The following SMARCAL1 variants were observed in gnomAD, a reference collection of about 807,000 sequenced individuals.
The protein encoded by SMARCAL1 is ATP-driven annealing helicase.
In SMARCAL1, 58 loss-of-function variants were observed where a neutral mutation model predicts 94.5. The observed-to-expected ratio is 0.61, with a 90% CI of 0.50 to 0.76. SMARCAL1 has a LOEUF of 0.76. Ranked by LOEUF, SMARCAL1 falls within the 30% of genes least tolerant of loss-of-function variation. The pLI, the probability that SMARCAL1 is intolerant of heterozygous loss-of-function variation, is 0.00. For synonymous variants in SMARCAL1, 422 were observed against 455.1 expected (o/e 0.93, Z 0.93); for missense variants, 1,051 against 1,177.9 (o/e 0.89, Z 1.58).
intron 3 of SMARCAL1, among the ~76,000 whole-genome samples, chr2:216,415,777 T>A (rs1693585849): frequency 6.6e-6 from 1 of 152,268 alleles, no homozygotes; most frequent in South Asian, 2.1e-4. Context: ...AGGTGCTTTA[T>A]ATGCATTGTA....
At chr2:216,433,287 T>A (rs1258945358) in intron 8 of SMARCAL1, among the ~76,000 whole-genome samples, 1 of 152,176 alleles carries the variant, frequency 6.6e-6, no homozygotes, top group Non-Finnish European at 1.5e-5. Flanking sequence ...TTTTGCCATG[T>A]TGCCCAGGCT....
intron 14 of SMARCAL1, among the ~76,000 whole-genome samples, chr2:216,474,002 A>G (rs1043202809): frequency 2.6e-5 from 4 of 152,138 alleles, no homozygotes; most frequent in African/African-American, 9.7e-5. Context: ...CTATTTCTCA[A>G]CAATAAAAAG....
chr2:216,476,189 A>G (rs924455596), intron 15 of SMARCAL1, among the ~76,000 whole-genome samples: 7 of 152,060 alleles, frequency 4.6e-5, no homozygotes, highest in African/African-American at 1.4e-4. Context: ...CCCCTTTAAT[A>G]TTTATATAAT....
intron 17 of SMARCAL1, among the ~76,000 whole-genome samples, chr2:216,481,591 C>T (rs1695202152): frequency 6.6e-6 from 1 of 151,990 alleles, no homozygotes; most frequent in South Asian, 2.1e-4. Flanking sequence ...GCAACCTCTG[C>T]CTTGTGGGTT....
chr2:216,431,723 C>T lies in SMARCAL1; in HGVS notation c.1335-995C>T, dbSNP rs1345764264. Among the ~76,000 whole-genome samples, 6 of 152,158 alleles carry T rather than the reference C, an allele frequency of 3.9e-5. 1 individual carries two copies. ...GAGTGATGGAATTGGGACTCCAACCCCAGCCAATCTGGCTCTGAAATAGTG... is the reference window on the plus strand; with the variant it reads ...GAGTGATGGAATTGGGACTCCAACCTCAGCCAATCTGGCTCTGAAATAGTG... On this transcript the variant is annotated intron_variant, in intron 7 of 17. Coordinates refer to ENST00000357276, the MANE Select transcript of SMARCAL1 (RefSeq NM_014140.4).
rs752560860 is a variant in SMARCAL1 at position 216,432,754 on chromosome 2, T to C, written c.1371T>C (p.Ala457=). The change falls in exon 8 of 18, where the codon GCT becomes GCC. Residue 457 remains alanine (A), a synonymous_variant. Coordinates refer to ENST00000357276, the MANE Select transcript of SMARCAL1 (RefSeq NM_014140.4). Reference sequence around the variant, plus strand: ...CCAAAGGAGGCCGCCTGCTGCTCGCTGACGACATGGGCCTGGGGAAGACCA... The same window carrying C: ...CCAAAGGAGGCCGCCTGCTGCTCGCCGACGACATGGGCCTGGGGAAGACCA... ...AIAKGGRLLL[A]DDMGLGKTIQ... 1.1e-5 allele frequency: 18 copies of C among 1,614,080 alleles called. No individual in the cohort carries two copies. The South Asian group carries it at 1.8e-4, about 16-fold the overall frequency.
At chr2:216,446,994 C>A (rs1694329658) in intron 10 of SMARCAL1, 24 bp from the exon 11 acceptor site, 2 of 1,613,838 alleles carry the variant, frequency 1.2e-6, no homozygotes, top group Non-Finnish European at 1.7e-6. Context: ...GTGTTCAGAG[C>A]ACCTTTGGCT....
At chr2:216,423,797 C>T (rs1693774997) in intron 6 of SMARCAL1, 114 bp downstream of exon 6, 1 of 934,050 alleles carries the variant, frequency 1.1e-6, no homozygotes, top group South Asian at 1.3e-5. Context: ...TGGTGGGATG[C>T]TTGAGTACAG....
intron 7 of SMARCAL1, among the ~76,000 whole-genome samples, chr2:216,430,639 G>A (rs2106031139): frequency 6.6e-6 from 1 of 152,212 alleles, no homozygotes; most frequent in Middle Eastern, 3.4e-3. Context: ...CCTTAGTTGG[G>A]CTCCCTCTAG....
At chr2:216,473,487 T>G (rs937879723) in intron 14 of SMARCAL1, among the ~76,000 whole-genome samples, 3 of 152,058 alleles carry the variant, frequency 2.0e-5, no homozygotes, top group African/African-American at 7.2e-5. Flanking sequence ...CAACATATCC[T>G]TTTAGGAAAA....
chr2:216,454,801 C>T (rs284556), intron 12 of SMARCAL1, among the ~76,000 whole-genome samples: 111,372 of 152,106 alleles, frequency 0.73, 41,517 homozygotes, highest in African/African-American at 0.88. Flanking sequence ...GATTTCTGCA[C>T]TTCCAACTGA....
intron 17 of SMARCAL1, among the ~76,000 whole-genome samples, chr2:216,480,334 C>A (rs1192288713): frequency 6.6e-6 from 1 of 152,164 alleles, no homozygotes; most frequent in African/African-American, 2.4e-5. Context: ...GATAGCCTTC[C>A]TTCTGAGAGG....
intron 6 of SMARCAL1, among the ~76,000 whole-genome samples, chr2:216,427,727 C>T (rs1035261084): frequency 4.6e-5 from 7 of 152,006 alleles, no homozygotes; most frequent in Non-Finnish European, 1.0e-4. Context: ...ATTGAAAATA[C>T]AAAGCAATTG....
intron 12 of SMARCAL1, among the ~76,000 whole-genome samples, chr2:216,453,042 A>G (rs6744504): frequency 0.1 from 15,198 of 152,276 alleles, 903 homozygotes; most frequent in South Asian, 0.19. Flanking sequence ...GGAAAAGTAC[A>G]TAAGGATAGT....
chr2:216,482,608 G>A lies in SMARCAL1; in HGVS notation c.2626-130G>A, dbSNP rs556826266. 8.7e-5 allele frequency: 115 copies of A among 1,315,290 alleles called. No individual in the cohort carries two copies. Among genetic ancestry groups the A allele is most frequent in the Middle Eastern group, 2.1e-4 (1 of 4,672 alleles). 81.5% of individuals were successfully genotyped at this position (1,315,290 alleles called of 1,614,324 possible). A position where few individuals can be genotyped will look rare whatever the true frequency, so the allele number is the denominator to read the frequency against. On this transcript the variant is annotated intron_variant, in intron 17 of 17. Coordinates refer to ENST00000357276, the MANE Select transcript of SMARCAL1 (RefSeq NM_014140.4). The surrounding 1 kb of genome is among the most constrained non-coding windows in gnomAD (Gnocchi z 4.3). ...GCTGAGATGATGCACACTTGCCATC[G>A]TGTAGCTCCCTGACACCATGAAATG...
At chr2:216,471,866 T>G (rs1170860639) in intron 14 of SMARCAL1, among the ~76,000 whole-genome samples, 5 of 152,220 alleles carry the variant, frequency 3.3e-5, no homozygotes, top group Admixed American at 2.6e-4. Context: ...AGATATACTA[T>G]TAAATAAATT....
At chr2:216,445,663 G>A (rs183012160) in intron 10 of SMARCAL1, among the ~76,000 whole-genome samples, 8 of 152,168 alleles carry the variant, frequency 5.3e-5, no homozygotes, top group Admixed American at 4.6e-4. Flanking sequence ...TGCTACCAAC[G>A]TCAGCTCATT....
chr2:216,480,508 A>G (rs1695172869), intron 17 of SMARCAL1, among the ~76,000 whole-genome samples: 1 of 152,218 alleles, frequency 6.6e-6, no homozygotes, highest in South Asian at 2.1e-4. Context: ...CATTGCAGTC[A>G]TTCAGAAAGA....
At chr2:216,427,781 T>A (rs1218876596) in intron 6 of SMARCAL1, among the ~76,000 whole-genome samples, 1 of 152,210 alleles carries the variant, frequency 6.6e-6, no homozygotes, top group Non-Finnish European at 1.5e-5. Flanking sequence ...CACATCAGTA[T>A]TTACAGTGGT....
Sources: gnomAD v4.1 joint callset for allele counts (sites outside exome capture counted in the v4.1 genomes callset) on GRCh38, gnomAD v4.1.1 for gene constraint, Gnocchi (gnomAD v3.1) non-coding constraint, MANE v1.5 for transcripts, NCBI Gene and HGNC (gene_info 2026-07-23, HGNC 2026-07-21) for gene names.